The following NBPF4 variants were observed in gnomAD, a reference collection of about 807,000 sequenced individuals.
NBPF4 encodes the protein NBPF family member NBPF4.
Under a neutral mutation model 21.1 loss-of-function variants are expected in NBPF4, and 11 were observed. That is an observed-to-expected ratio of 0.52 (90% CI 0.33 to 0.86). The LOEUF (loss-of-function observed/expected upper bound fraction) is 0.86, where lower values mean the gene tolerates loss of function less well. NBPF4 is among the 40% of genes least tolerant of loss of function. The pLI is 0.03. For synonymous variants in NBPF4, 47 were observed against 106.4 expected (o/e 0.44, Z 3.43); for missense variants, 88 against 265.3 (o/e 0.33, Z 4.64).
intron 3 of NBPF4, among the ~76,000 whole-genome samples, chr1:108,241,397 C>G (rs1273699981): frequency 2.1e-5 from 3 of 145,450 alleles, no homozygotes; most frequent in Admixed American, 6.9e-5. Context: ...CATATATATA[C>G]AAACACACAC....
In NBPF4 at chr1:108,229,055, G is replaced by A; in HGVS notation, c.1525C>T (p.Leu509=). ...VSQAQLEPST[L]VPSCLRLQLD... is the part of the protein sequence containing the mutation. The stretch of plus-strand genomic sequence containing the variant: ...TGTAGTCGCAGACAACTGGGCACCA[G>A]GGTGCTTGGTTCCAGCTGTGCCTGT... Residue 509 remains leucine (L), a synonymous_variant, in exon 13 of 15, where the codon CTG becomes TTG. Transcript: ENST00000415641. 6.4e-7 allele frequency: 1 copy of A among 1,550,916 alleles called. No homozygotes were observed. Among genetic ancestry groups the A allele is most frequent in the Non-Finnish European group, 8.7e-7 (1 of 1,146,472 alleles).
chr1:108,247,978 TA>T (rs1310534402), upstream of NBPF4, among the ~76,000 whole-genome samples: 49 of 150,510 alleles, frequency 3.3e-4, no homozygotes, highest in African/African-American at 1.2e-3. Flanking sequence ...CATTTCTGGC[TA>T]TTTTTTTTTT....
chr1:108,223,636 G>A lies in NBPF4; in HGVS notation c.*69C>T. 1 of 1,395,450 alleles carries A rather than the reference G, an allele frequency of 7.2e-7. No individual in the cohort carries two copies. Among genetic ancestry groups the A allele is most frequent in the Admixed American group, 1.8e-5 (1 of 54,720 alleles). The allele number at this position is 1,395,450 out of a possible 1,614,324, so 86.4% of individuals were successfully genotyped here. A position where few individuals can be genotyped will look rare whatever the true frequency, so the allele number is the denominator to read the frequency against. ...GAAGGACCCCTGCAGTATTGTGTTT[G>A]GACTTAAACTTGCTTTGCTGTTTTA... On this transcript the variant is annotated 3_prime_UTR_variant, in exon 15 of 15. Coordinates refer to ENST00000415641, the MANE Select transcript of NBPF4 (RefSeq NM_001143989.3).
chr1:108,229,156 G>A lies in NBPF4; in HGVS notation c.1424C>T (p.Ser475Phe), dbSNP rs1194998558. The A allele has an allele frequency of 1.9e-6, 3 of 1,545,552 alleles. No individual in the cohort carries two copies. Among genetic ancestry groups the A allele is most frequent in the Non-Finnish European group, 1.8e-6 (2 of 1,141,954 alleles). The part of the protein sequence containing the change: ...QLACSALDVA[S>F]PTEAACPQGT... ...TTGGGGACAGGCCGCCTCGGTGGGGGCTGAAAGGAGAAGGGGCTTCAGTAG... is the reference window on the plus strand; with the variant it reads ...TTGGGGACAGGCCGCCTCGGTGGGGACTGAAAGGAGAAGGGGCTTCAGTAG... Residue 475 changes from serine to phenylalanine, a missense_variant and splice_region_variant, in exon 13 of 15, where the codon TCC (serine) becomes TTC (phenylalanine). Physicochemically the swap from Ser to Phe is radical, Grantham distance 155 (BLOSUM62 -2). This residue lies in a region of NBPF4 where 60 missense variants were observed against 86.5 expected (regional missense o/e 0.69). Coordinates refer to ENST00000415641, the MANE Select transcript of NBPF4 (RefSeq NM_001143989.3).
intron 14 of NBPF4, among the ~76,000 whole-genome samples, chr1:108,224,491 T>C (rs928635895): frequency 6.2e-5 from 9 of 146,242 alleles, no homozygotes; most frequent in Non-Finnish European, 1.2e-4. Context: ...CTGCTGTTTC[T>C]TTGGTTGGTT....
upstream of NBPF4, among the ~76,000 whole-genome samples, chr1:108,244,901 GATATATATATATATATATATATATATAT>G (rs1173565670): frequency 0.028 from 345 of 12,452 alleles, 67 homozygotes; most frequent in African/African-American, 0.09. Flanking sequence ...TATTGTTGGA[GATATATATATATATATATATATATATAT>G]ATATATATAT....
the NBPF4 span, among the ~76,000 whole-genome samples, chr1:108,252,897 G>T: frequency 7.1e-4 from 33 of 46,250 alleles, no homozygotes; most frequent in Admixed American, 5.5e-3. Flanking sequence ...TTGTTCATTT[G>T]AGCTCTTTCT....
upstream of NBPF4, among the ~76,000 whole-genome samples, chr1:108,244,947 T>TATATATATATAC (rs754071410): frequency 3.7e-4 from 13 of 34,946 alleles, no homozygotes; most frequent in Admixed American, 8.6e-4. Context: ...TATATATATA[T>TATATATATATAC]ACACACACAT....
the NBPF4 span, among the ~76,000 whole-genome samples, chr1:108,257,307 AG>A: frequency 6.9e-6 from 1 of 144,368 alleles, no homozygotes; most frequent in Non-Finnish European, 1.5e-5. Context: ...CAGGGTAATT[AG>A]GATATCTATC....
In NBPF4 at chr1:108,223,017, T is replaced by C. The variant is rs567315476; in HGVS notation, c.*688A>G. ...GGCAAAATGTTTAGGCTGAATTTAA[T>C]CATGACGACATTTTCAGATAACTTC... is the stretch of plus-strand genomic sequence containing the variant. On this transcript the variant is annotated 3_prime_UTR_variant, in exon 15 of 15. Coordinates refer to ENST00000415641, the MANE Select transcript of NBPF4 (RefSeq NM_001143989.3). 8.5e-5 allele frequency among the ~76,000 whole-genome samples: 13 copies of C among 152,218 alleles called. No individual in the cohort carries two copies. The South Asian group carries it at 2.1e-3, about 24-fold the overall frequency.
At chr1:108,246,554 T>G (rs1310140635), upstream of NBPF4, among the ~76,000 whole-genome samples, 1 of 111,772 alleles carries the variant, frequency 8.9e-6, no homozygotes, top group East Asian at 3.1e-4. Flanking sequence ...ACCCCATCAG[T>G]GCCACTCATT....
intron 14 of NBPF4, 138 bp from the exon 15 acceptor site, chr1:108,223,884 G>C (rs544330658): frequency 1.1e-6 from 1 of 945,486 alleles, no homozygotes; most frequent in Non-Finnish European, 1.6e-6. Context: ...GGTGAGTCCT[G>C]GGCTGTCAGA....
At chr1:108,234,767 G>T (rs1295513467) in intron 9 of NBPF4, among the ~76,000 whole-genome samples, 1 of 62,130 alleles carries the variant, frequency 1.6e-5, no homozygotes, top group Non-Finnish European at 2.8e-5. Flanking sequence ...TAAATTTTAT[G>T]TGTAGTGGCC....
At chr1:108,257,719 T>C in the NBPF4 span, among the ~76,000 whole-genome samples, 10 of 140,842 alleles carry the variant, frequency 7.1e-5, no homozygotes, top group Non-Finnish European at 9.1e-5. Flanking sequence ...TTTTGGACTG[T>C]GTATTTTGTT....
chr1:108,256,561 C>CCCTCT, the NBPF4 span, among the ~76,000 whole-genome samples: 1 of 90,966 alleles, frequency 1.1e-5, no homozygotes, highest in East Asian at 3.5e-4. Flanking sequence ...CCCCTGCCCT[C>CCCTCT]CCTCTCCTCC....
chr1:108,258,456 T>G, the NBPF4 span, among the ~76,000 whole-genome samples: 1 of 140,138 alleles, frequency 7.1e-6, no homozygotes, highest in Non-Finnish European at 1.5e-5. Context: ...ATAGAATTGA[T>G]TTTTGTATAT....
upstream of NBPF4, among the ~76,000 whole-genome samples, chr1:108,248,066 T>C (rs1231997241): frequency 6.6e-6 from 1 of 152,100 alleles, no homozygotes; most frequent in Non-Finnish European, 1.5e-5. Context: ...GAACTTTTTA[T>C]TGAAAAGTCT....
At position 108,223,582 on chromosome 1, in the gene NBPF4, T is replaced by A. The variant is rs1287403895; in HGVS notation, c.*123A>T. The A allele has an allele frequency of 1.2e-6, 1 of 821,110 alleles. No homozygotes were observed. The highest frequency in any genetic ancestry group is 2.6e-5 in the East Asian group (1 of 38,246). The allele number at this position is 821,110 out of a possible 1,614,324, so 50.9% of individuals were successfully genotyped here. A position where few individuals can be genotyped will look rare whatever the true frequency, so the allele number is the denominator to read the frequency against. On this transcript the variant is annotated 3_prime_UTR_variant, in exon 15 of 15. Transcript: ENST00000415641. ...CATAGTGGCTTGAAGTCATCAAGAG[T>A]ATTCTGTGTCTGAAATTCAATCCTC...
chr1:108,256,502 CTTTT>C, the NBPF4 span, among the ~76,000 whole-genome samples: 2 of 117,682 alleles, frequency 1.7e-5, no homozygotes, highest in African/African-American at 3.5e-5. Context: ...TTCTTTCTTT[CTTTT>C]TTCTCCCTTT....
Sources: gnomAD v4.1 joint callset for allele counts (sites outside exome capture counted in the v4.1 genomes callset) on GRCh38, gnomAD v4.1.1 for gene constraint, gnomAD v4.1.1 regional missense constraint, MANE v1.5 for transcripts, NCBI Gene and HGNC (gene_info 2026-07-23, HGNC 2026-07-21) for gene names.